The following SIAH3 variants were observed in gnomAD, a reference collection of about 807,000 sequenced individuals.
SIAH3 encodes seven in absentia homolog 3.
A neutral mutation model predicts 12.6 loss-of-function variants in SIAH3; 9 were observed. That is an observed-to-expected ratio of 0.72 (90% confidence interval 0.43 to 1.25). The LOEUF is 1.25. Among genes scored for constraint, SIAH3 ranks in the 50% most tolerant of loss-of-function variants. The pLI, the probability that SIAH3 is intolerant of heterozygous loss-of-function variation, is 0.00. For synonymous variants in SIAH3, 154 were observed against 151.1 expected, an observed-to-expected ratio of 1.02 and a Z score of -0.14; for missense variants, 390 against 365.4, an observed-to-expected ratio of 1.07 and a Z score of -0.55.
intron 1 of SIAH3, among the ~76,000 whole-genome samples, chr13:45,786,100 T>C (rs1316489252): frequency 1.3e-5 from 2 of 152,176 alleles, no homozygotes; most frequent in South Asian, 4.1e-4. Flanking sequence ...GCATGGACCA[T>C]TTAGTGATTT....
chr13:45,822,265 G>T (rs1950658534), intron 1 of SIAH3, among the ~76,000 whole-genome samples: 1 of 152,064 alleles, frequency 6.6e-6, no homozygotes, highest in Non-Finnish European at 1.5e-5. Flanking sequence ...TCTAGAATGT[G>T]ATCTGGGAAC....
chr13:45,837,072 T>C (rs1950720364), intron 1 of SIAH3, among the ~76,000 whole-genome samples: 1 of 152,184 alleles, frequency 6.6e-6, no homozygotes, highest in African/African-American at 2.4e-5. Flanking sequence ...TTGTGTCCCC[T>C]AGGGACACCA....
chr13:45,797,133 C>A (rs992156737), intron 1 of SIAH3, among the ~76,000 whole-genome samples: 4 of 138,378 alleles, frequency 2.9e-5, no homozygotes, highest in African/African-American at 5.8e-5. Flanking sequence ...CAATTCAAAT[C>A]GTCTCTATGC....
chr13:45,804,099 A>T (rs1433032307), intron 1 of SIAH3, among the ~76,000 whole-genome samples: 1 of 152,144 alleles, frequency 6.6e-6, no homozygotes, highest in East Asian at 1.9e-4. Context: ...TTCTTCCCCA[A>T]TTAAAAACTT....
chr13:45,851,267 A>G (rs1462225167), intron 1 of SIAH3, among the ~76,000 whole-genome samples: 2 of 151,876 alleles, frequency 1.3e-5, no homozygotes, highest in Non-Finnish European at 2.9e-5. Flanking sequence ...CAGACCATCA[A>G]TCCAGCTTTT....
At chr13:45,801,520 G>A (rs1950582473) in intron 1 of SIAH3, among the ~76,000 whole-genome samples, 1 of 152,164 alleles carries the variant, frequency 6.6e-6, no homozygotes, top group Admixed American at 6.5e-5. Flanking sequence ...TTGGTTCCAT[G>A]TCCTGGATAT....
intron 1 of SIAH3, among the ~76,000 whole-genome samples, chr13:45,816,847 T>A (rs368767589): frequency 1.1e-4 from 16 of 152,336 alleles, no homozygotes; most frequent in South Asian, 4.1e-4. Context: ...TAGTAATAAC[T>A]ATAATATATG....
chr13:45,828,313 T>A (rs891218240), intron 1 of SIAH3, among the ~76,000 whole-genome samples: 3 of 152,194 alleles, frequency 2.0e-5, no homozygotes, highest in Admixed American at 6.5e-5. Context: ...CATTTAGAGA[T>A]GAACTAGCTA....
intron 1 of SIAH3, among the ~76,000 whole-genome samples, chr13:45,793,484 A>G (rs1034352552): frequency 6.6e-6 from 1 of 152,226 alleles, no homozygotes; most frequent in Non-Finnish European, 1.5e-5. Flanking sequence ...TATAACATGC[A>G]ACAAACTTAT....
intron 1 of SIAH3, among the ~76,000 whole-genome samples, chr13:45,832,426 A>G (rs1390731020): frequency 1.3e-5 from 2 of 152,192 alleles, no homozygotes; most frequent in African/African-American, 2.4e-5. Context: ...GAGAAATTTC[A>G]TGTAAATGGA....
chr13:45,828,332 G>A (rs1008687592), intron 1 of SIAH3, among the ~76,000 whole-genome samples: 11 of 152,156 alleles, frequency 7.2e-5, no homozygotes, highest in Non-Finnish European at 1.5e-4. Flanking sequence ...TAAACTCTTT[G>A]AGGGGCATGG....
intron 1 of SIAH3, among the ~76,000 whole-genome samples, chr13:45,849,866 A>G (rs1436165820): frequency 6.6e-6 from 1 of 152,232 alleles, no homozygotes; most frequent in Non-Finnish European, 1.5e-5. Context: ...GAAGTAAACA[A>G]AATTTCTTGC....
At chr13:45,830,565 C>A (rs1245271746) in intron 1 of SIAH3, among the ~76,000 whole-genome samples, 1 of 152,218 alleles carries the variant, frequency 6.6e-6, no homozygotes, top group Admixed American at 6.5e-5. Flanking sequence ...TCATCTCAAT[C>A]AAGAGGCAAC....
chr13:45,778,383 C>T lies in SIAH3; in HGVS notation c.*5000G>A, dbSNP rs1301068174. The T allele has an allele frequency of 6.6e-6, 1 of 152,130 alleles. No individual in the cohort carries two copies. The highest frequency in any genetic ancestry group is 1.5e-5 in the Non-Finnish European group (1 of 68,038). 9.4% of individuals were successfully genotyped at this position (152,130 alleles called of 1,614,324 possible). A position where few individuals can be genotyped will look rare whatever the true frequency, so the allele number is the denominator to read the frequency against. ...AGCCAATAGGCTGAGTTTGCGGAGC[C>T]CAATTTTTCCATGAAAGCCACCAAA... On this transcript the variant is annotated 3_prime_UTR_variant, in exon 2 of 2. Transcript: ENST00000400405.
At chr13:45,799,053 T>C (rs1358407667) in intron 1 of SIAH3, among the ~76,000 whole-genome samples, 5 of 152,226 alleles carry the variant, frequency 3.3e-5, no homozygotes, top group Admixed American at 2.0e-4. Flanking sequence ...ACTCTGTGTT[T>C]CCACAGCACT....
chr13:45,811,487 C>T (rs914717868), intron 1 of SIAH3, among the ~76,000 whole-genome samples: 1 of 151,942 alleles, frequency 6.6e-6, no homozygotes, highest in Non-Finnish European at 1.5e-5. Flanking sequence ...TTTTGAGACA[C>T]GGTCTTATTC....
At chr13:45,830,827 C>T (rs1273489210) in intron 1 of SIAH3, among the ~76,000 whole-genome samples, 2 of 80,260 alleles carry the variant, frequency 2.5e-5, no homozygotes, top group Non-Finnish European at 4.2e-5. Context: ...TGAGAAAGTA[C>T]TAACCAAAAA....
chr13:45,802,246 C>T (rs1950584922), intron 1 of SIAH3, among the ~76,000 whole-genome samples: 1 of 152,174 alleles, frequency 6.6e-6, no homozygotes, highest in African/African-American at 2.4e-5. Flanking sequence ...GTGGATGCTG[C>T]AGTGAGCCAA....
rs141441318 is a variant in SIAH3 at position 45,814,825 on chromosome 13, C to T, written c.136-30768G>A. On this transcript the variant is annotated intron_variant, in intron 1 of 1. Transcript: ENST00000400405. ...GCAACCTCTGCCTTCCGGGCTCAAG[C>T]GATTCTCCAGCCTCGGCCTCCAGAG... Among the ~76,000 whole-genome samples, 724 of 152,106 alleles carry T rather than the reference C, an allele frequency of 4.8e-3. 6 individuals are homozygous for T. Among genetic ancestry groups the T allele is most frequent in the African/African-American group, 0.016 (669 of 41,476 alleles).
Sources: allele counts gnomAD v4.1 joint callset (sites outside exome capture counted in the v4.1 genomes callset), GRCh38; gene constraint gnomAD v4.1.1; transcripts MANE v1.5; gene names NCBI Gene and HGNC (gene_info 2026-07-23, HGNC 2026-07-21).